NUP214: variants seen among roughly 807,000 people sequenced by gnomAD.
The protein encoded by NUP214 is nuclear pore complex protein Nup214.
NUP214 carries 79 observed loss-of-function variants against 196.2 expected under a neutral mutation model. The observed-to-expected ratio is 0.40, with a 90% CI of 0.34 to 0.49. The LOEUF is 0.49. Among genes scored for constraint, NUP214 ranks in the 20% least tolerant of loss-of-function variants. The probability of loss-of-function intolerance (pLI) is 0.58; values close to 1 mark genes in which losing one functional copy is unlikely to be tolerated. For synonymous variants in NUP214, 1,020 were observed against 990.5 expected, an observed-to-expected ratio of 1.03 and a Z score of -0.56; for missense variants, 2,468 against 2,539.0, an observed-to-expected ratio of 0.97 and a Z score of 0.60.
chr9:131,228,468 G>C, intron 33 of NUP214, 137 bp downstream of exon 33: 1 of 771,366 alleles, frequency 1.3e-6, no homozygotes, highest in South Asian at 2.2e-5. Context: ...ACTCCCTCAA[G>C]GATTCCTGTA....
intron 30 of NUP214, among the ~76,000 whole-genome samples, chr9:131,204,548 T>G (rs137873659): frequency 2.0e-4 from 31 of 152,194 alleles, no homozygotes; most frequent in African/African-American, 7.5e-4. Flanking sequence ...AGTAAAGCTT[T>G]GTTTACAAAA....
chr9:131,184,429 G>C (rs1043404862), intron 24 of NUP214, among the ~76,000 whole-genome samples: 1 of 151,480 alleles, frequency 6.6e-6, no homozygotes, highest in East Asian at 1.9e-4. Context: ...TGTCTCCCGG[G>C]TTCAAGCGAT....
At chr9:131,193,629 C>CTTTTTTTTTTGT (rs1833679142) in intron 27 of NUP214, among the ~76,000 whole-genome samples, 1 of 28,218 alleles carries the variant, frequency 3.5e-5, no homozygotes, top group Non-Finnish European at 6.5e-5. Context: ...TCTTCCTTTT[C>CTTTTTTTTTTGT]TTTTTTTTTT....
At chr9:131,213,453 G>T (rs1386566196) in intron 30 of NUP214, among the ~76,000 whole-genome samples, 1 of 152,136 alleles carries the variant, frequency 6.6e-6, no homozygotes, top group Admixed American at 6.5e-5. Flanking sequence ...GGCATTATGG[G>T]CATGAGCCGC....
chr9:131,208,127 TG>T (rs759610655), intron 30 of NUP214, among the ~76,000 whole-genome samples: 38 of 152,346 alleles, frequency 2.5e-4, no homozygotes, highest in Admixed American at 4.6e-4. Context: ...ACATTGCTGA[TG>T]GGAATGCAAA....
At chr9:131,187,214 AG>A in intron 24 of NUP214, 74 bp from the exon 25 acceptor site, 1 of 1,277,012 alleles carries the variant, frequency 7.8e-7, no homozygotes, top group Non-Finnish European at 1.1e-6. Flanking sequence ...ATTGGACAGA[AG>A]GTTGGCTTGA....
chr9:131,196,378 G>T (rs1369224342), intron 28 of NUP214, among the ~76,000 whole-genome samples: 2 of 152,032 alleles, frequency 1.3e-5, no homozygotes, highest in Non-Finnish European at 2.9e-5. Flanking sequence ...GATCAGGCTG[G>T]TCTCGAACTC....
intron 32 of NUP214, among the ~76,000 whole-genome samples, chr9:131,226,350 A>AG (rs1431288479): frequency 2.0e-5 from 3 of 152,224 alleles, no homozygotes; most frequent in African/African-American, 7.2e-5. Context: ...TGCCTCTTTA[A>AG]GCCAGAGTGA....
chr9:131,226,574 C>T (rs1834730388), intron 32 of NUP214, among the ~76,000 whole-genome samples: 1 of 151,788 alleles, frequency 6.6e-6, no homozygotes, highest in South Asian at 2.1e-4. Flanking sequence ...GAAAGTGTAA[C>T]TAGATCTGTG....
At chr9:131,192,174 T>TC in intron 26 of NUP214, 34 bp from the exon 27 acceptor site, 1 of 754,336 alleles carries the variant, frequency 1.3e-6, no homozygotes, top group East Asian at 3.1e-5. Flanking sequence ...ATATTCTTTT[T>TC]TTTTTTTTTT....
chr9:131,182,056 A>T (rs139956095), intron 24 of NUP214, among the ~76,000 whole-genome samples: 268 of 152,356 alleles, frequency 1.8e-3, no homozygotes, highest in African/African-American at 6.1e-3. Flanking sequence ...GCACCACAAC[A>T]TATCTTTTCC....
Position 131,146,385 on chromosome 9 carries a change from A to T in NUP214, c.1945+81A>T. On this transcript the variant is annotated intron_variant, in intron 13 of 35. Coordinates refer to ENST00000359428, the MANE Select transcript of NUP214 (RefSeq NM_005085.4). The surrounding 1 kb of genome is among the most constrained non-coding windows in gnomAD (Gnocchi z 4.6). The stretch of plus-strand genomic sequence containing the variant: ...TTTTAAGTGTTAAGAGTCGTAGCTA[A>T]CATAGTTGGACAAGGTTATTTTTTC... 1 of 1,362,398 alleles carries T rather than the reference A, an allele frequency of 7.3e-7. No homozygotes were observed. The highest frequency in any genetic ancestry group is 1.0e-6 in the Non-Finnish European group (1 of 975,238). The allele number at this position is 1,362,398 out of a possible 1,614,324, so 84.4% of individuals were successfully genotyped here.
chr9:131,223,723 A>ATTT (rs1222974193), intron 32 of NUP214, among the ~76,000 whole-genome samples: 6 of 18,966 alleles, frequency 3.2e-4, no homozygotes, highest in African/African-American at 7.7e-4. Context: ...TTATTTATTT[A>ATTT]TTTATTTTTT....
chr9:131,233,526 G>T lies in NUP214; in HGVS notation c.*39G>T, dbSNP rs1348149957. 3.7e-6 allele frequency: 6 copies of T among 1,611,390 alleles called. No individual in the cohort carries two copies. Among genetic ancestry groups the T allele is most frequent in the Non-Finnish European group, 4.2e-6 (5 of 1,178,456 alleles). ...GGCCTTTCGATCCCTGGGACCAACC[G>T]CATCCTCAGCTTCTTCCCCGAGAAA... On this transcript the variant is annotated 3_prime_UTR_variant, in exon 36 of 36. Transcript: ENST00000359428.
chr9:131,218,261 A>G (rs1428733082), intron 31 of NUP214, among the ~76,000 whole-genome samples: 1 of 152,224 alleles, frequency 6.6e-6, no homozygotes, highest in Non-Finnish European at 1.5e-5. Context: ...TGTATGATTC[A>G]ATAGTGAAAG....
intron 32 of NUP214, among the ~76,000 whole-genome samples, chr9:131,227,372 A>G (rs1834750520): frequency 6.6e-6 from 1 of 152,080 alleles, no homozygotes; most frequent in Non-Finnish European, 1.5e-5. Context: ...GGCTGTCCTC[A>G]CTGTTGACTT....
intron 28 of NUP214, among the ~76,000 whole-genome samples, chr9:131,196,789 T>C (rs1331847687): frequency 6.6e-6 from 1 of 152,154 alleles, no homozygotes; most frequent in Non-Finnish European, 1.5e-5. Context: ...CTTTATTTGC[T>C]CATAAAAATG....
Position 131,187,296 on chromosome 9 carries a change from G to A in NUP214, c.3427G>A (p.Val1143Met). Residue 1143 changes from valine (V) to methionine (M), a missense_variant, in exon 25 of 36, where the codon GTG becomes ATG. Physicochemically the swap from Val to Met is conservative, Grantham distance 21. Coordinates refer to ENST00000359428, the MANE Select transcript of NUP214 (RefSeq NM_005085.4). ...GCTTTGTGTGTTTTTCAGTTCTTCAGTGCCCTACTCCACAGCCAAAACACC... is the reference window on the plus strand; with the variant it reads ...GCTTTGTGTGTTTTTCAGTTCTTCAATGCCCTACTCCACAGCCAAAACACC... ...ATPSTAMGSS[V>M]PYSTAKTPHP... 6.2e-7 allele frequency: 1 copy of A among 1,613,398 alleles called. No individual in the cohort carries two copies. Among genetic ancestry groups the A allele is most frequent in the East Asian group, 2.2e-5 (1 of 44,862 alleles).
At chr9:131,160,875 C>T (rs879901031) in intron 18 of NUP214, among the ~76,000 whole-genome samples, 7 of 152,176 alleles carry the variant, frequency 4.6e-5, no homozygotes, top group Non-Finnish European at 8.8e-5. Context: ...GGCCTGTGGA[C>T]TGGAGCACTT....
Sources: allele counts gnomAD v4.1 joint callset (sites outside exome capture counted in the v4.1 genomes callset), GRCh38; gene constraint gnomAD v4.1.1; non-coding constraint Gnocchi (gnomAD v3.1); transcripts MANE v1.5; gene names NCBI Gene and HGNC (gene_info 2026-07-23, HGNC 2026-07-21).